The following SLC9A3 variants were observed in gnomAD, a reference collection of about 807,000 sequenced individuals.
SLC9A3 encodes solute carrier family 9 member A3, also known as sodium/hydrogen exchanger 3.
A neutral mutation model predicts 86.8 loss-of-function variants in SLC9A3; 37 were observed. The ratio of observed to expected loss-of-function variants is 0.43; its 90% confidence interval spans 0.33 to 0.56. The LOEUF is 0.56. Ranked by LOEUF, SLC9A3 falls within the 20% of genes least tolerant of loss-of-function variation. SLC9A3 has a pLI of 0.06. For synonymous variants in SLC9A3, 581 were observed against 528.3 expected, an observed-to-expected ratio of 1.10 and a Z score of -1.37; for missense variants, 1,011 against 1,171.9, an observed-to-expected ratio of 0.86 and a Z score of 2.00.
intron 1 of SLC9A3, among the ~76,000 whole-genome samples, chr5:492,361 AGGGGAGGGAGGT>A (rs1739808133): frequency 1.6e-5 from 1 of 64,336 alleles, no homozygotes; most frequent in Non-Finnish European, 2.7e-5. Context: ...CCCATGGGGG[AGGGGAGGGAGGT>A]AGGGGGGAAC....
Position 496,285 on chromosome 5 carries a change from T to C in SLC9A3, c.212-4214A>G, listed in dbSNP as rs957152338. 1.2e-4 allele frequency among the ~76,000 whole-genome samples: 18 copies of C among 152,192 alleles called. No individual in the cohort carries two copies. Among genetic ancestry groups the C allele is most frequent in the Admixed American group, 4.6e-4 (7 of 15,286 alleles). On this transcript the variant is annotated intron_variant, in intron 1 of 16. Coordinates refer to ENST00000264938, the MANE Select transcript of SLC9A3 (RefSeq NM_004174.4). This position sits in a 1 kb window ranked among gnomAD's most constrained non-coding sequence, Gnocchi z 4.7. ...TGTGTGTGTGTTGAGAGCTCACCTG[T>C]GTCCTCCTGCATGGGACATGCCGTC...
At chr5:495,302 A>AGGGACAC in intron 1 of SLC9A3, among the ~76,000 whole-genome samples, 1 of 152,204 alleles carries the variant, frequency 6.6e-6, no homozygotes, top group Admixed American at 6.5e-5. Flanking sequence ...CCAGCAAGTC[A>AGGGACAC]GGGACACAGG....
intron 1 of SLC9A3, among the ~76,000 whole-genome samples, chr5:510,468 CG>C (rs767115297): frequency 7.9e-5 from 12 of 152,246 alleles, no homozygotes; most frequent in Middle Eastern, 3.4e-3. Flanking sequence ...CACTGGGGAG[CG>C]GGGCCCAGGG....
intron 1 of SLC9A3, among the ~76,000 whole-genome samples, chr5:509,308 G>T (rs1439029850): frequency 6.6e-6 from 1 of 151,812 alleles, no homozygotes; most frequent in Non-Finnish European, 1.5e-5. Context: ...ACAAAAATTA[G>T]CTGGGTACCG....
At chr5:474,634 C>G (rs377178673) in intron 16 of SLC9A3, among the ~76,000 whole-genome samples, 2 of 45,292 alleles carry the variant, frequency 4.4e-5, no homozygotes, top group East Asian at 6.2e-4. Context: ...AGGAGAGAGA[C>G]AGCGCGCGCG....
intron 9 of SLC9A3, chr5:480,275 T>C (rs1420754898): frequency 3.3e-6 from 1 of 303,176 alleles, no homozygotes; most frequent in Non-Finnish European, 6.3e-6. Context: ...CACCTTCAGG[T>C]GCACAGGAGG....
intron 6 of SLC9A3, among the ~76,000 whole-genome samples, 181 bp downstream of exon 6, chr5:483,081 G>C (rs1739292395): frequency 6.6e-6 from 1 of 152,042 alleles, no homozygotes; most frequent in African/African-American, 2.4e-5. Flanking sequence ...AAACCAAGTG[G>C]TTTCCCTTGG....
chr5:517,137 G>C (rs946134991), intron 1 of SLC9A3, among the ~76,000 whole-genome samples: 1 of 142,498 alleles, frequency 7.0e-6, no homozygotes, highest in Non-Finnish European at 1.5e-5. Flanking sequence ...CCATCCTTCC[G>C]CCCATCCCTC....
At chr5:477,220 T>G in intron 11 of SLC9A3, 112 bp downstream of exon 11, 1 of 698,628 alleles carries the variant, frequency 1.4e-6, no homozygotes, top group South Asian at 2.0e-5. Flanking sequence ...TCTGCACCTC[T>G]CCCCTCTTCC....
At chr5:521,423 C>T (rs2126661611) in intron 1 of SLC9A3, among the ~76,000 whole-genome samples, 1 of 152,316 alleles carries the variant, frequency 6.6e-6, no homozygotes, top group African/African-American at 2.4e-5. Flanking sequence ...TTCAGGGTAC[C>T]CGGACTCTTA....
rs966353786 is a variant in SLC9A3, at chr5:490,432, G to A, written c.514+1337C>T. 3.9e-5 allele frequency among the ~76,000 whole-genome samples: 6 copies of A among 152,176 alleles called. No homozygotes were observed. In the South Asian group the frequency reaches 6.2e-4, roughly 16 times the overall value. ...TGCAGCAAGGACGTCCTCCAGGCTC[G>A]GCCAGTTGCACCGAGGACATTCTGC... On this transcript the variant is annotated intron_variant, in intron 2 of 16. Coordinates refer to ENST00000264938, the MANE Select transcript of SLC9A3 (RefSeq NM_004174.4).
At chr5:506,387 C>T (rs10475276) in intron 1 of SLC9A3, among the ~76,000 whole-genome samples, 123,384 of 152,156 alleles carry the variant, frequency 0.81, 50,567 homozygotes, top group Non-Finnish European at 0.87. Context: ...CCGCACAGGG[C>T]GCATTCTCAC....
chr5:473,871 C>T (rs562928699), intron 16 of SLC9A3, among the ~76,000 whole-genome samples: 23 of 152,330 alleles, frequency 1.5e-4, no homozygotes, highest in African/African-American at 5.5e-4. Flanking sequence ...GTCGGGGACC[C>T]GGGGCGTCTG....
intron 1 of SLC9A3, among the ~76,000 whole-genome samples, chr5:498,880 G>T (rs1265713346): frequency 6.6e-6 from 1 of 152,212 alleles, no homozygotes; most frequent in Non-Finnish European, 1.5e-5. Flanking sequence ...TGTGGCAGAG[G>T]AGTCCTGCAG....
At chr5:512,931 G>A (rs892107879) in intron 1 of SLC9A3, among the ~76,000 whole-genome samples, 1 of 152,158 alleles carries the variant, frequency 6.6e-6, no homozygotes, top group African/African-American at 2.4e-5. Flanking sequence ...ACTACTGTCC[G>A]GCGTCACCAA....
At chr5:498,310 C>G (rs1460262979) in intron 1 of SLC9A3, among the ~76,000 whole-genome samples, 3 of 152,162 alleles carry the variant, frequency 2.0e-5, no homozygotes, top group Non-Finnish European at 4.4e-5. Flanking sequence ...GTGTGAGGTA[C>G]GGGCGGGACT....
In SLC9A3 at chr5:485,553, C is replaced by T. The variant is rs370817811; in HGVS notation, c.676-322G>A. Among the ~76,000 whole-genome samples the T allele has an allele frequency of 3.9e-5, 6 of 152,390 alleles. No homozygotes were observed. The East Asian group carries it at 1.2e-3, about 29-fold the overall frequency. On this transcript the variant is annotated intron_variant, in intron 3 of 16. Coordinates refer to ENST00000264938, the MANE Select transcript of SLC9A3 (RefSeq NM_004174.4). ...TGAGTCTCATCTACGGAGACAAACCCAGGGTGTCAGTTTGAGTGACTTCCC... is the reference window on the plus strand; with the variant it reads ...TGAGTCTCATCTACGGAGACAAACCTAGGGTGTCAGTTTGAGTGACTTCCC...
In SLC9A3 at chr5:497,366, C is replaced by G. The variant is rs1472779850; in HGVS notation, c.212-5295G>C. On this transcript the variant is annotated intron_variant, in intron 1 of 16. Transcript: ENST00000264938. This position sits in a 1 kb window ranked among gnomAD's most constrained non-coding sequence, Gnocchi z 5.4. ...ACCTGGTTTCTCTGCTCCCGGGTCT[C>G]AAATCCGGGTTCTTCCCTTGACAGC... Among the ~76,000 whole-genome samples, 5 of 152,264 alleles carry G rather than the reference C, an allele frequency of 3.3e-5. No individual in the cohort carries two copies. Among genetic ancestry groups the G allele is most frequent in the Non-Finnish European group, 7.4e-5 (5 of 68,018 alleles).
rs1739180617 is a variant in SLC9A3 at position 481,737 on chromosome 5, CT to C, written c.1447-103del. 6 of 1,000,274 alleles carry C rather than the reference CT, an allele frequency of 6.0e-6. No homozygotes were observed. In the African/African-American group the frequency reaches 6.6e-5, roughly 11 times the overall value. The allele number at this position is 1,000,274 out of a possible 1,614,324, so 62.0% of individuals were successfully genotyped here. A position where few individuals can be genotyped will look rare whatever the true frequency, so the allele number is the denominator to read the frequency against. On this transcript the variant is annotated intron_variant, in intron 8 of 16. Coordinates refer to ENST00000264938, the MANE Select transcript of SLC9A3 (RefSeq NM_004174.4). Reference sequence around the variant, plus strand: ...AGCCCCGAGGAACCCACCAGCCCCCCTCACCACGCCCCTGGCCTGGACGCAG... The same window carrying C: ...AGCCCCGAGGAACCCACCAGCCCCCCCACCACGCCCCTGGCCTGGACGCAG...
Sources: gnomAD v4.1 joint callset for allele counts (sites outside exome capture counted in the v4.1 genomes callset) on GRCh38, gnomAD v4.1.1 for gene constraint, Gnocchi (gnomAD v3.1) non-coding constraint, MANE v1.5 for transcripts, NCBI Gene and HGNC (gene_info 2026-07-23, HGNC 2026-07-21) for gene names.